HNRNPUL1: variants seen among roughly 807,000 people sequenced by gnomAD.
HNRNPUL1 encodes heterogeneous nuclear ribonucleoprotein U like 1, also known as heterogeneous nuclear ribonucleoprotein U-like protein 1.
HNRNPUL1 carries 14 observed loss-of-function variants against 108.5 expected under a neutral mutation model. The ratio of observed to expected loss-of-function variants is 0.13; its 90% CI spans 0.09 to 0.20. The LOEUF (loss-of-function observed/expected upper bound fraction) is 0.20, where lower values mean the gene tolerates loss of function less well. Ranked by LOEUF, HNRNPUL1 falls within the 10% of genes least tolerant of loss-of-function variation. The pLI is 1.00. For missense variants in HNRNPUL1, 804 were observed against 1,168.3 expected (o/e 0.69, Z 4.55); for synonymous variants, 422 against 445.2 (o/e 0.95, Z 0.66).
intron 6 of HNRNPUL1, 151 bp downstream of exon 6, chr19:41,279,327 GTC>G (rs1451968394): frequency 3.4e-6 from 2 of 592,566 alleles, no homozygotes; most frequent in Non-Finnish European, 6.0e-6. Context: ...ATATGCCACT[GTC>G]TCTGTCATGC....
intron 5 of HNRNPUL1, chr19:41,276,662 A>T (rs1233068064): frequency 5.8e-6 from 1 of 172,892 alleles, no homozygotes; most frequent in Non-Finnish European, 1.3e-5. Flanking sequence ...GGGAGGCCAG[A>T]GGGAGAACAG....
chr19:41,276,067 C>T (rs1446049971), intron 4 of HNRNPUL1, 92 bp from the exon 5 acceptor site: 3 of 1,538,392 alleles, frequency 2.0e-6, no homozygotes, highest in Admixed American at 3.4e-5. Flanking sequence ...CGCACCATTG[C>T]ACTCCAGCCT....
chr19:41,268,109 T>C, intron 1 of HNRNPUL1, 114 bp from the exon 2 acceptor site: 3 of 986,210 alleles, frequency 3.0e-6, no homozygotes, highest in Non-Finnish European at 3.0e-6. Context: ...TTAATATTAT[T>C]ATTCTTACCA....
At chr19:41,305,138 C>T (rs1019776990) in intron 13 of HNRNPUL1, among the ~76,000 whole-genome samples, 2 of 152,162 alleles carry the variant, frequency 1.3e-5, no homozygotes, top group Non-Finnish European at 2.9e-5. Flanking sequence ...CATCTTGAGC[C>T]TCAGTTTCTT....
intron 3 of HNRNPUL1, 131 bp from the exon 4 acceptor site, chr19:41,273,851 C>T: frequency 1.4e-6 from 1 of 698,020 alleles, no homozygotes; most frequent in Non-Finnish European, 2.4e-6. Flanking sequence ...CTTTTGCCCA[C>T]CTCTGTGGAA....
At chr19:41,283,073 G>A (rs991176130) in intron 7 of HNRNPUL1, among the ~76,000 whole-genome samples, 1 of 152,002 alleles carries the variant, frequency 6.6e-6, no homozygotes, top group Non-Finnish European at 1.5e-5. Flanking sequence ...TAGAAATATC[G>A]GTAAGATTAA....
intron 7 of HNRNPUL1, among the ~76,000 whole-genome samples, chr19:41,287,526 C>G (rs2036306285): frequency 6.6e-6 from 1 of 151,956 alleles, no homozygotes; most frequent in Non-Finnish European, 1.5e-5. Flanking sequence ...GAAACAGTTT[C>G]TCAGCCTTTT....
intron 2 of HNRNPUL1, among the ~76,000 whole-genome samples, chr19:41,268,847 A>T (rs567876938): frequency 6.6e-6 from 1 of 152,038 alleles, no homozygotes; most frequent in Non-Finnish European, 1.5e-5. Flanking sequence ...GGGCAACAAG[A>T]GTGAAACTGC....
At position 41,292,031 on chromosome 19, in the gene HNRNPUL1, A is replaced by G. The variant is rs1030030299; in HGVS notation, c.1000-214A>G. ...ACTCTTGCTTACTTGCTTCATATCCACCAACTTTGGGGTCTTAGGCAAGGA... is the reference window on the plus strand; with the variant it reads ...ACTCTTGCTTACTTGCTTCATATCCGCCAACTTTGGGGTCTTAGGCAAGGA... On this transcript the variant is annotated intron_variant, in intron 7 of 14. Transcript: ENST00000392006. This position sits in a 1 kb window ranked among gnomAD's most constrained non-coding sequence, Gnocchi z 4.1. The G allele has an allele frequency of 1.8e-6, 1 of 556,210 alleles. No homozygotes were observed. Among genetic ancestry groups the G allele is most frequent in the African/African-American group, 1.9e-5 (1 of 51,382 alleles). The allele number at this position is 556,210 out of a possible 1,614,324, so 34.5% of individuals were successfully genotyped here. A position where few individuals can be genotyped will look rare whatever the true frequency, so the allele number is the denominator to read the frequency against.
upstream of HNRNPUL1, among the ~76,000 whole-genome samples, chr19:41,263,366 A>T (rs1210330800): frequency 6.6e-6 from 1 of 152,210 alleles, no homozygotes; most frequent in Non-Finnish European, 1.5e-5. Context: ...GACGCCAGAC[A>T]GCCCGATTTA....
chr19:41,285,401 T>A (rs2036162083), intron 7 of HNRNPUL1, among the ~76,000 whole-genome samples: 1 of 152,172 alleles, frequency 6.6e-6, no homozygotes, highest in African/African-American at 2.4e-5. Context: ...TAATTTGTAT[T>A]TTTTGTAGAG....
chr19:41,304,274 G>C lies in HNRNPUL1; in HGVS notation c.2262+13G>C. 1 of 1,590,460 alleles carries C rather than the reference G, an allele frequency of 6.3e-7. No homozygotes were observed. Among genetic ancestry groups the C allele is most frequent in the Non-Finnish European group, 8.6e-7 (1 of 1,166,378 alleles). On this transcript the variant is annotated intron_variant, in intron 13 of 14. Coordinates refer to ENST00000392006, the MANE Select transcript of HNRNPUL1 (RefSeq NM_007040.6). Reference sequence around the variant, plus strand: ...CAGCCCTCCACAGGTGAGAGAATGAGTGTGTGTTTGTATGTAGTGATCGCA... The same window carrying C: ...CAGCCCTCCACAGGTGAGAGAATGACTGTGTGTTTGTATGTAGTGATCGCA...
intron 10 of HNRNPUL1, among the ~76,000 whole-genome samples, chr19:41,299,303 C>T (rs527406919): frequency 6.6e-6 from 1 of 152,090 alleles, no homozygotes; most frequent in Non-Finnish European, 1.5e-5. Context: ...TTTCCTGGCG[C>T]GTGTTTCAGG....
chr19:41,296,365 T>C, intron 10 of HNRNPUL1, among the ~76,000 whole-genome samples: 1 of 152,232 alleles, frequency 6.6e-6, no homozygotes, highest in East Asian at 1.9e-4. Context: ...GTACCAGGTA[T>C]GCCTGTGGTC....
intron 5 of HNRNPUL1, chr19:41,276,689 C>G (rs1309712166): frequency 6.0e-6 from 1 of 166,452 alleles, no homozygotes; most frequent in African/African-American, 2.4e-5. Flanking sequence ...GAACTGCCAG[C>G]TTAGGCCAGC....
At position 41,301,700 on chromosome 19, in the gene HNRNPUL1, GA is replaced by G; in HGVS notation, c.1686del (p.Ala563ProfsTer28). The part of the protein sequence containing the change: ...DVPDHAVLEM[K>X]ANFTLPDVGD... ...TCCCAGATCATGCGGTCTTAGAAATGAAAGGTAGGAAATGAGTGCTTCCCAG... is the reference window on the plus strand; with the variant it reads ...TCCCAGATCATGCGGTCTTAGAAATGAAGGTAGGAAATGAGTGCTTCCCAG... On this transcript the variant is annotated frameshift_variant, in exon 11 of 15. Coordinates refer to ENST00000392006, the MANE Select transcript of HNRNPUL1 (RefSeq NM_007040.6). LOFTEE classifies it high-confidence loss of function. 1 of 1,611,288 alleles carries G rather than the reference GA, an allele frequency of 6.2e-7. No individual in the cohort carries two copies. Among genetic ancestry groups the G allele is most frequent in the Non-Finnish European group, 8.5e-7 (1 of 1,178,742 alleles).
In HNRNPUL1 at chr19:41,271,884, G is replaced by T. The variant is rs541624167; in HGVS notation, c.419-198G>T. On this transcript the variant is annotated intron_variant, in intron 2 of 14. Transcript: ENST00000392006. ...GAGAATTTAGGGTCATGGTATCTCA[G>T]ATCCTAACCCTGTTCTCCAGTATGG... 4.6e-4 allele frequency among the ~76,000 whole-genome samples: 70 copies of T among 152,314 alleles called. 1 individual carries two copies. Among genetic ancestry groups the T allele is most frequent in the Middle Eastern group, 3.4e-3 (1 of 294 alleles).
intron 2 of HNRNPUL1, among the ~76,000 whole-genome samples, chr19:41,270,935 A>T (rs1465521388): frequency 6.6e-6 from 1 of 152,104 alleles, no homozygotes; most frequent in Non-Finnish European, 1.5e-5. Context: ...GGCTTGTCCG[A>T]TGGCAGAGCT....
intron 10 of HNRNPUL1, among the ~76,000 whole-genome samples, chr19:41,297,341 T>TTA (rs1568455062): frequency 6.6e-6 from 1 of 152,164 alleles, no homozygotes; most frequent in Non-Finnish European, 1.5e-5. Flanking sequence ...CAGAGGATGA[T>TTA]TAAAAGAGTT....
Sources: gnomAD v4.1 joint callset for allele counts (sites outside exome capture counted in the v4.1 genomes callset) on GRCh38, gnomAD v4.1.1 for gene constraint, Gnocchi (gnomAD v3.1) non-coding constraint, MANE v1.5 for transcripts, NCBI Gene and HGNC (gene_info 2026-07-23, HGNC 2026-07-21) for gene names.